The following CDH4 variants were observed in gnomAD, a reference collection of about 807,000 sequenced individuals.
CDH4 encodes the protein cadherin-4.
CDH4 carries 33 observed loss-of-function variants against 86.0 expected under a neutral mutation model. The observed-to-expected ratio is 0.38, with a 90% CI of 0.29 to 0.51. CDH4 has a LOEUF of 0.51. Ranked by LOEUF, CDH4 falls within the 20% of genes least tolerant of loss-of-function variation. The pLI, the probability that CDH4 is intolerant of heterozygous loss-of-function variation, is 0.86. For synonymous variants in CDH4, 555 were observed against 549.4 expected (o/e 1.01, Z -0.14); for missense variants, 1,114 against 1,307.4 (o/e 0.85, Z 2.28).
At chr20:61,330,981 C>T (rs1432927892) in intron 2 of CDH4, among the ~76,000 whole-genome samples, 1 of 152,104 alleles carries the variant, frequency 6.6e-6, no homozygotes, top group African/African-American at 2.4e-5. Flanking sequence ...AGTGGAATTT[C>T]TGGGTCAGTT....
At chr20:61,307,412 C>T (rs528186233) in intron 2 of CDH4, among the ~76,000 whole-genome samples, 2 of 152,266 alleles carry the variant, frequency 1.3e-5, no homozygotes, top group East Asian at 1.9e-4. Context: ...CACCTGCATG[C>T]TCCAACACAC....
chr20:61,822,320 T>C (rs1026937834), intron 4 of CDH4, among the ~76,000 whole-genome samples: 1 of 152,240 alleles, frequency 6.6e-6, no homozygotes, highest in Non-Finnish European at 1.5e-5. Context: ...TTATCGCACC[T>C]CTGATGAGAG....
chr20:61,795,257 T>TA (rs1189928748), intron 4 of CDH4, among the ~76,000 whole-genome samples: 2 of 59,616 alleles, frequency 3.4e-5, no homozygotes, highest in East Asian at 8.6e-4. Flanking sequence ...TCTAAAATCC[T>TA]AAGTTTAGTC....
intron 5 of CDH4, among the ~76,000 whole-genome samples, chr20:61,848,408 G>T (rs1406230986): frequency 6.6e-6 from 1 of 152,206 alleles, no homozygotes; most frequent in Non-Finnish European, 1.5e-5. Flanking sequence ...GTCTCGCTCT[G>T]TCACTCAGGC....
chr20:61,333,728 G>A (rs146401190), intron 2 of CDH4, among the ~76,000 whole-genome samples: 1,539 of 152,358 alleles, frequency 0.01, 13 homozygotes, highest in Middle Eastern at 0.027. Context: ...GCTTTCAGGC[G>A]AAGAGCATCG....
At chr20:61,715,939 C>T (rs767246906) in intron 2 of CDH4, among the ~76,000 whole-genome samples, 20 of 152,254 alleles carry the variant, frequency 1.3e-4, no homozygotes, top group Admixed American at 3.9e-4. Flanking sequence ...CCACCTGATG[C>T]CACTTTGCCT....
intron 2 of CDH4, among the ~76,000 whole-genome samples, chr20:61,612,511 G>T (rs149687171): frequency 3.3e-4 from 50 of 152,180 alleles, no homozygotes; most frequent in Admixed American, 6.5e-4. Context: ...TATGCATGCT[G>T]TGGTTGGACT....
At chr20:61,914,204 A>G (rs1343766327) in intron 9 of CDH4, among the ~76,000 whole-genome samples, 1 of 152,192 alleles carries the variant, frequency 6.6e-6, no homozygotes. Flanking sequence ...GAAGTGGAGC[A>G]TGGGGACTGA....
chr20:61,894,580 G>A (rs1985010224), intron 7 of CDH4, among the ~76,000 whole-genome samples: 1 of 152,122 alleles, frequency 6.6e-6, no homozygotes, highest in Non-Finnish European at 1.5e-5. Context: ...TGCAACCCCA[G>A]TGCCCTCTGG....
intron 4 of CDH4, among the ~76,000 whole-genome samples, chr20:61,780,960 C>A (rs1373664952): frequency 6.6e-6 from 1 of 152,190 alleles, no homozygotes; most frequent in Non-Finnish European, 1.5e-5. Flanking sequence ...TACATAGCCA[C>A]AGATAGGGAC....
chr20:61,502,922 A>G (rs1227958977), intron 2 of CDH4, among the ~76,000 whole-genome samples: 3 of 152,180 alleles, frequency 2.0e-5, no homozygotes, highest in Non-Finnish European at 4.4e-5. Context: ...TTATTTACTA[A>G]AACAGTGGGA....
chr20:61,897,949 G>A (rs753721486), intron 8 of CDH4, among the ~76,000 whole-genome samples: 2 of 152,030 alleles, frequency 1.3e-5, no homozygotes, highest in African/African-American at 2.4e-5. Context: ...TCAGGCCGGC[G>A]GGGTGACATG....
At chr20:61,503,566 T>A (rs2085719706) in intron 2 of CDH4, among the ~76,000 whole-genome samples, 1 of 152,082 alleles carries the variant, frequency 6.6e-6, no homozygotes, top group African/African-American at 2.4e-5. Context: ...TCTCCTCAAG[T>A]CTCACAGAAG....
At chr20:61,661,533 T>C (rs568186961) in intron 2 of CDH4, among the ~76,000 whole-genome samples, 5 of 150,814 alleles carry the variant, frequency 3.3e-5, no homozygotes, top group African/African-American at 9.7e-5. Flanking sequence ...AAAGAAACTC[T>C]TCTTTTTTAA....
At chr20:61,756,439 A>G (rs535364951) in intron 3 of CDH4, among the ~76,000 whole-genome samples, 3 of 152,224 alleles carry the variant, frequency 2.0e-5, no homozygotes, top group South Asian at 2.1e-4. Context: ...GGCCTAGGCC[A>G]GGGTGAACTC....
intron 1 of CDH4, among the ~76,000 whole-genome samples, chr20:61,253,451 C>T (rs1251524228): frequency 6.6e-6 from 1 of 151,986 alleles, no homozygotes; most frequent in African/African-American, 2.4e-5. Context: ...GCAGGAACCC[C>T]CTCTCGTGGC....
chr20:61,514,645 C>G (rs1163612531), intron 2 of CDH4, among the ~76,000 whole-genome samples: 1 of 152,230 alleles, frequency 6.6e-6, no homozygotes, highest in Non-Finnish European at 1.5e-5. Flanking sequence ...CCTGTCTCAT[C>G]ACTGGCTTGT....
chr20:61,363,541 T>C (rs1415967470), intron 2 of CDH4, among the ~76,000 whole-genome samples: 1 of 151,688 alleles, frequency 6.6e-6, no homozygotes, highest in African/African-American at 2.4e-5. Flanking sequence ...TCAACAGAAG[T>C]GTTAAATAAG....
intron 2 of CDH4, among the ~76,000 whole-genome samples, chr20:61,560,886 C>T (rs755382761): frequency 6.6e-6 from 1 of 152,234 alleles, no homozygotes; most frequent in Non-Finnish European, 1.5e-5. Context: ...TGGAACCAGC[C>T]AACCTCTTAC....
Sources: allele counts gnomAD v4.1 joint callset (sites outside exome capture counted in the v4.1 genomes callset), GRCh38; gene constraint gnomAD v4.1.1; transcripts MANE v1.5; gene names NCBI Gene and HGNC (gene_info 2026-07-23, HGNC 2026-07-21).